Variants in CSNK1G1 observed in about 807,000 individuals in gnomAD.
The protein encoded by CSNK1G1 is casein kinase I isoform gamma-1.
CSNK1G1 carries 22 observed loss-of-function variants against 59.6 expected under a neutral mutation model. The ratio of observed to expected loss-of-function variants is 0.37; its 90% CI spans 0.26 to 0.53. The LOEUF is 0.53. Among genes scored for constraint, CSNK1G1 ranks in the 20% least tolerant of loss-of-function variants. The probability of loss-of-function intolerance (pLI) is 0.89; values close to 1 mark genes in which losing one functional copy is unlikely to be tolerated. For missense variants in CSNK1G1, 384 were observed against 519.5 expected (o/e 0.74, Z 2.54); for synonymous variants, 179 against 177.1 (o/e 1.01, Z -0.08).
chr15:64,327,056 C>A (rs1439760709), intron 1 of CSNK1G1, among the ~76,000 whole-genome samples: 34 of 151,676 alleles, frequency 2.2e-4, no homozygotes, highest in African/African-American at 6.5e-4. Context: ...GCTAGCACAG[C>A]AGTCTGAGAT....
chr15:64,230,977 A>AAAAT (rs1242518754), intron 4 of CSNK1G1, among the ~76,000 whole-genome samples: 3 of 151,920 alleles, frequency 2.0e-5, no homozygotes, highest in African/African-American at 7.3e-5. Context: ...CCGTCTCAAA[A>AAAAT]AAATAAATAA....
rs869123397 is a variant in CSNK1G1, at chr15:64,263,822, CAAA to C, written c.182-4584_182-4582del. On this transcript the variant is annotated intron_variant, in intron 2 of 11. Transcript: ENST00000303052. ...TGTGGTTTTATGCCTTTTTGTTTAC[CAAA>C]AAAAAAAAAAAAAAAAAAAAAAGCC... Among the ~76,000 whole-genome samples the C allele has an allele frequency of 7.8e-3, 422 of 53,812 alleles. 2 individuals are homozygous for C. Among genetic ancestry groups the C allele is most frequent in the African/African-American group, 0.025 (340 of 13,340 alleles). The allele number at this position is 53,812 out of a possible 152,430, so 35.3% of individuals were successfully genotyped here. A position where few individuals can be genotyped will look rare whatever the true frequency, so the allele number is the denominator to read the frequency against.
chr15:64,343,067 C>T lies in CSNK1G1; in HGVS notation c.-225+12921G>A, dbSNP rs149165310. 3.1e-3 allele frequency among the ~76,000 whole-genome samples: 472 copies of T among 152,188 alleles called. 1 individual carries two copies. Among genetic ancestry groups the T allele is most frequent in the African/African-American group, 0.011 (450 of 41,542 alleles). ...ACCTCTATTAAAAATACAAAATTAG[C>T]GGGGTGTGGTGGCGCATGCCTGTAA... On this transcript the variant is annotated intron_variant, in intron 1 of 11. Coordinates refer to ENST00000303052, the MANE Select transcript of CSNK1G1 (RefSeq NM_022048.5).
At chr15:64,179,459 G>A (rs148182294) in intron 11 of CSNK1G1, among the ~76,000 whole-genome samples, 2 of 152,184 alleles carry the variant, frequency 1.3e-5, no homozygotes, top group African/African-American at 2.4e-5. Context: ...TACGTTGTCT[G>A]CTTCAGAAAA....
At chr15:64,270,370 C>A (rs1893222445) in intron 2 of CSNK1G1, among the ~76,000 whole-genome samples, 1 of 151,908 alleles carries the variant, frequency 6.6e-6, no homozygotes, top group South Asian at 2.1e-4. Context: ...GTTCTTGTTT[C>A]TCTAATTATT....
chr15:64,230,302 G>T (rs528876627), intron 4 of CSNK1G1, among the ~76,000 whole-genome samples: 4 of 142,438 alleles, frequency 2.8e-5, no homozygotes, highest in Non-Finnish European at 4.7e-5. Flanking sequence ...GCCAGTTTTG[G>T]TTTTTTTTTT....
Position 64,214,133 on chromosome 15 carries a change from G to GA in CSNK1G1, c.445-10dup, listed in dbSNP as rs752688963. 3.2e-6 allele frequency: 5 copies of GA among 1,572,860 alleles called. No individual in the cohort carries two copies. In the African/African-American group the frequency reaches 4.1e-5, roughly 13 times the overall value. ...TATTCCATTCGAGAAAGCTGAAAGAGAAACAAATGATAGAAAGACTGTAAA... is the reference window on the plus strand; with the variant it reads ...TATTCCATTCGAGAAAGCTGAAAGAGAAAACAAATGATAGAAAGACTGTAAA... On this transcript the variant is annotated splice_polypyrimidine_tract_variant and intron_variant, in intron 5 of 11. Coordinates refer to ENST00000303052, the MANE Select transcript of CSNK1G1 (RefSeq NM_022048.5). The surrounding 1 kb of genome is among the most constrained non-coding windows in gnomAD (Gnocchi z 4.3).
At chr15:64,222,745 G>A (rs779013918) in intron 4 of CSNK1G1, among the ~76,000 whole-genome samples, 2 of 151,388 alleles carry the variant, frequency 1.3e-5, no homozygotes, top group African/African-American at 4.9e-5. Flanking sequence ...ATTTCTAGGA[G>A]TGGAAGCAAA....
chr15:64,238,494 TAAAAAA>T (rs1169739046), intron 4 of CSNK1G1, among the ~76,000 whole-genome samples: 7 of 56,430 alleles, frequency 1.2e-4, no homozygotes, highest in East Asian at 8.2e-4. Context: ...CCCTGTCCCT[TAAAAAA>T]AAAAAAAAAA....
rs1185452973 is a variant in CSNK1G1, at chr15:64,332,598, G to A, written c.-225+23390C>T. 3.4e-5 allele frequency among the ~76,000 whole-genome samples: 5 copies of A among 147,128 alleles called. No individual in the cohort carries two copies. The East Asian group carries it at 1.0e-3, about 30-fold the overall frequency. On this transcript the variant is annotated intron_variant, in intron 1 of 11. Transcript: ENST00000303052. ...TAGATGACGAGTTAGTGGGTGCAGC[G>A]CACCAGCATGACACATGTATACATA...
At chr15:64,276,967 AAG>A (rs1194134620) in intron 2 of CSNK1G1, among the ~76,000 whole-genome samples, 1 of 151,900 alleles carries the variant, frequency 6.6e-6, no homozygotes, top group African/African-American at 2.4e-5. Flanking sequence ...AAAAAAGAAA[AAG>A]AAAATAGTTG....
In CSNK1G1 at chr15:64,304,216, T is replaced by G. The variant is rs147930911; in HGVS notation, c.-224-3493A>C. Reference sequence around the variant, plus strand: ...CAGCCTGGCCAACATGGTGATACCCTGTCTCTACTAAAAATACAAAAAAAA... The same window carrying G: ...CAGCCTGGCCAACATGGTGATACCCGGTCTCTACTAAAAATACAAAAAAAA... On this transcript the variant is annotated intron_variant, in intron 1 of 11. Transcript: ENST00000303052. 1.1e-3 allele frequency among the ~76,000 whole-genome samples: 174 copies of G among 151,676 alleles called. 2 individuals carry two copies. In the East Asian group the frequency reaches 0.031, roughly 27 times the overall value.
At chr15:64,205,395 T>C (rs2082163499) in intron 7 of CSNK1G1, among the ~76,000 whole-genome samples, 1 of 152,170 alleles carries the variant, frequency 6.6e-6, no homozygotes, top group Non-Finnish European at 1.5e-5. Flanking sequence ...ATTGAGACTT[T>C]GAACAGAAAA....
intron 4 of CSNK1G1, among the ~76,000 whole-genome samples, chr15:64,250,682 C>G (rs1340311526): frequency 6.6e-6 from 1 of 152,034 alleles, no homozygotes; most frequent in African/African-American, 2.4e-5. Context: ...AAGGCCCAGG[C>G]TGCAGTGAGC....
At chr15:64,184,471 G>A (rs750634999) in intron 10 of CSNK1G1, among the ~76,000 whole-genome samples, 6 of 151,956 alleles carry the variant, frequency 3.9e-5, no homozygotes, top group Non-Finnish European at 7.4e-5. Flanking sequence ...GAGCTCAGCA[G>A]TTCGAGACCA....
chr15:64,241,100 A>AC (rs888389139), intron 4 of CSNK1G1, among the ~76,000 whole-genome samples: 19 of 152,166 alleles, frequency 1.2e-4, no homozygotes, highest in African/African-American at 4.6e-4. Flanking sequence ...AAAAACGATG[A>AC]CCCAACTATA....
At chr15:64,230,710 C>A (rs974497700) in intron 4 of CSNK1G1, among the ~76,000 whole-genome samples, 1 of 152,170 alleles carries the variant, frequency 6.6e-6, no homozygotes, top group Non-Finnish European at 1.5e-5. Flanking sequence ...CAGTGGCTCA[C>A]GCCTGTAATC....
chr15:64,302,394 C>G (rs1056274117), intron 1 of CSNK1G1, among the ~76,000 whole-genome samples: 1 of 152,112 alleles, frequency 6.6e-6, no homozygotes, highest in Non-Finnish European at 1.5e-5. Context: ...AGCCACCATG[C>G]CTGGCCTCTG....
At chr15:64,248,362 A>G (rs1891871625) in intron 4 of CSNK1G1, among the ~76,000 whole-genome samples, 1 of 152,230 alleles carries the variant, frequency 6.6e-6, no homozygotes, top group Admixed American at 6.5e-5. Context: ...ATCACAAGGA[A>G]TATTTTTATT....
Sources: gnomAD v4.1 joint callset for allele counts (sites outside exome capture counted in the v4.1 genomes callset) on GRCh38, gnomAD v4.1.1 for gene constraint, Gnocchi (gnomAD v3.1) non-coding constraint, MANE v1.5 for transcripts, NCBI Gene and HGNC (gene_info 2026-07-23, HGNC 2026-07-21) for gene names.